RAD52: variants seen among roughly 807,000 people sequenced by gnomAD.
RAD52 encodes the protein RAD52 DNA repair protein.
A neutral mutation model predicts 55.5 loss-of-function variants in RAD52; 47 were observed. The observed-to-expected ratio is 0.85, with a 90% CI of 0.67 to 1.08. RAD52 has a LOEUF of 1.08. Among genes scored for constraint, RAD52 ranks in the 50% least tolerant of loss-of-function variants. RAD52 has a pLI of 0.00. For synonymous variants in RAD52, 184 were observed against 198.9 expected (o/e 0.92, Z 0.63); for missense variants, 468 against 522.8 (o/e 0.90, Z 1.02).
intron 1 of RAD52, among the ~76,000 whole-genome samples, chr12:935,994 C>T (rs2154116024): frequency 6.6e-6 from 1 of 151,218 alleles, no homozygotes; most frequent in South Asian, 2.1e-4. Flanking sequence ...CATGCCAGAA[C>T]ACTTCTCACA....
Position 912,992 on chromosome 12 carries a change from T to TA in RAD52, c.*398dup, listed in dbSNP as rs11571476. On this transcript the variant is annotated 3_prime_UTR_variant, in exon 12 of 12. Coordinates refer to ENST00000358495, the MANE Select transcript of RAD52 (RefSeq NM_134424.4). Reference sequence around the variant, plus strand: ...ACCGTAAAGGAAAGAAGGCAGACGTTATGCAAAACAACTGAATGTAGACAA... The same window carrying TA: ...ACCGTAAAGGAAAGAAGGCAGACGTTAATGCAAAACAACTGAATGTAGACAA... The TA allele has an allele frequency of 0.43, 96,172 of 224,158 alleles. 21,158 individuals are homozygous for TA. Among genetic ancestry groups the TA allele is most frequent in the Admixed American group, 0.51 (8,987 of 17,480 alleles). The allele number at this position is 224,158 out of a possible 1,614,324, so 13.9% of individuals were successfully genotyped here.
At chr12:969,984 T>C (rs931917101) in intron 1 of RAD52, among the ~76,000 whole-genome samples, 5 of 151,910 alleles carry the variant, frequency 3.3e-5, no homozygotes, top group African/African-American at 1.2e-4. Flanking sequence ...GTGAGACACA[T>C]TGTCTTCATA....
At position 914,058 on chromosome 12, in the gene RAD52, T is replaced by C. The variant is rs748285595; in HGVS notation, c.1031A>G (p.Lys344Arg). The change falls in exon 11 of 12, where the codon AAG becomes AGG. Residue 344 changes from lysine (K) to arginine (R), a missense_variant. Transcript: ENST00000358495. ...VTPDAGDGVVKPSSRADPAQT... is the reference protein window; with the variant it reads ...VTPDAGDGVVRPSSRADPAQT... ...GGCTGGGTCTGCTCTAGACGAGGGCTTGACCACACCATCCCCTGCATCGGG... is the reference window on the plus strand; with the variant it reads ...GGCTGGGTCTGCTCTAGACGAGGGCCTGACCACACCATCCCCTGCATCGGG... 1.9e-6 allele frequency: 3 copies of C among 1,614,214 alleles called. No homozygotes were observed. Among genetic ancestry groups the C allele is most frequent in the Non-Finnish European group, 8.5e-7 (1 of 1,180,036 alleles).
At position 911,915 on chromosome 12, in the gene RAD52, C is replaced by T. The variant is rs1464690999; in HGVS notation, c.*1476G>A. Among the ~76,000 whole-genome samples, 3 of 151,818 alleles carry T rather than the reference C, an allele frequency of 2.0e-5. No homozygotes were observed. Among genetic ancestry groups the T allele is most frequent in the African/African-American group, 4.8e-5 (2 of 41,310 alleles). Reference sequence around the variant, plus strand: ...GTGGGTGTCTGTAATCCCAGCTACTCGGGAGCCTGAGGCAGGAGAATTGCT... The same window carrying T: ...GTGGGTGTCTGTAATCCCAGCTACTTGGGAGCCTGAGGCAGGAGAATTGCT... On this transcript the variant is annotated 3_prime_UTR_variant, in exon 12 of 12. Transcript: ENST00000358495.
chr12:958,425 A>C (rs879875001), intron 1 of RAD52, among the ~76,000 whole-genome samples: 4 of 152,202 alleles, frequency 2.6e-5, no homozygotes, highest in Non-Finnish European at 1.5e-5. Flanking sequence ...CATGTTGGCC[A>C]GGCTGGTCTC....
chr12:960,381 T>G (rs552831175), intron 1 of RAD52, among the ~76,000 whole-genome samples: 1 of 152,164 alleles, frequency 6.6e-6, no homozygotes, highest in East Asian at 1.9e-4. Flanking sequence ...AATACCTGGG[T>G]TTTTCACTTG....
chr12:975,571 G>A (rs1354463850), intron 1 of RAD52: 1 of 152,216 alleles, frequency 6.6e-6, no homozygotes, highest in East Asian at 1.9e-4. Flanking sequence ...GAAGTAACCA[G>A]AAGTGGATGA....
chr12:938,617 G>A (rs1213607727), intron 1 of RAD52, among the ~76,000 whole-genome samples: 1 of 152,154 alleles, frequency 6.6e-6, no homozygotes, highest in Non-Finnish European at 1.5e-5. Flanking sequence ...CCAGCGGGTG[G>A]AGGTTGCATG....
Position 933,916 on chromosome 12 carries a change from G to GT in RAD52, c.-18-841dup, listed in dbSNP as rs540245667. Among the ~76,000 whole-genome samples the GT allele has an allele frequency of 1.7e-3, 264 of 152,086 alleles. 3 individuals are homozygous for GT. The South Asian group carries it at 0.033, about 19-fold the overall frequency. On this transcript the variant is annotated intron_variant, in intron 1 of 11. Coordinates refer to ENST00000358495, the MANE Select transcript of RAD52 (RefSeq NM_134424.4). ...GCAGAAGGACTGCTTGAGCCCAGGAGTTTGAGACTAGCCTAGACAACAAAA... is the reference window on the plus strand; with the variant it reads ...GCAGAAGGACTGCTTGAGCCCAGGAGTTTTGAGACTAGCCTAGACAACAAAA...
At chr12:987,215 C>T (rs909379652) in intron 1 of RAD52, among the ~76,000 whole-genome samples, 18 of 151,938 alleles carry the variant, frequency 1.2e-4, no homozygotes, top group African/African-American at 2.2e-4. Context: ...GTGATCCACC[C>T]GCCTCAGCCT....
At chr12:971,796 G>A (rs1057393341) in intron 1 of RAD52, among the ~76,000 whole-genome samples, 1 of 151,844 alleles carries the variant, frequency 6.6e-6, no homozygotes, top group Non-Finnish European at 1.5e-5. Flanking sequence ...CGCCCAGGCT[G>A]GAGTGCAGTG....
chr12:961,761 G>A (rs1958689504), intron 1 of RAD52, among the ~76,000 whole-genome samples: 1 of 152,140 alleles, frequency 6.6e-6, no homozygotes, highest in Non-Finnish European at 1.5e-5. Flanking sequence ...TACTCGGGAG[G>A]TTGGAGCAGT....
At chr12:981,455 T>C (rs1959013898) in intron 1 of RAD52, among the ~76,000 whole-genome samples, 1 of 152,190 alleles carries the variant, frequency 6.6e-6, no homozygotes. Flanking sequence ...CCTTTCTGAC[T>C]GTGAATGTAT....
chr12:957,466 CAAAAAAA>C (rs71055109), intron 1 of RAD52, among the ~76,000 whole-genome samples: 15 of 44,060 alleles, frequency 3.4e-4, no homozygotes, highest in South Asian at 1.0e-3. Flanking sequence ...AACTTCGTCT[CAAAAAAA>C]AAAAAAAAAA....
intron 1 of RAD52, among the ~76,000 whole-genome samples, chr12:966,547 T>C (rs1017976909): frequency 6.6e-6 from 1 of 152,022 alleles, no homozygotes; most frequent in Non-Finnish European, 1.5e-5. Flanking sequence ...CTAATGCTCA[T>C]GGTTTTCTGT....
chr12:929,739 GCTAC>G, intron 5 of RAD52, 76 bp downstream of exon 5: 2 of 1,375,396 alleles, frequency 1.5e-6, no homozygotes, highest in Non-Finnish European at 2.1e-6. Flanking sequence ...TCCCCGTCCA[GCTAC>G]CTACTTCCCT....
chr12:954,448 A>G (rs1477899020), upstream of RAD52, among the ~76,000 whole-genome samples: 2 of 152,174 alleles, frequency 1.3e-5, no homozygotes, highest in Non-Finnish European at 2.9e-5. Context: ...CCTGGCCAAC[A>G]TGACAAAACC....
chr12:932,372 G>A (rs911216592), intron 2 of RAD52, among the ~76,000 whole-genome samples: 2 of 152,136 alleles, frequency 1.3e-5, no homozygotes, highest in Admixed American at 1.3e-4. Flanking sequence ...GTGCATGCCT[G>A]TTATCCCAGC....
At chr12:933,171 T>G in intron 1 of RAD52, 95 bp from the exon 2 acceptor site, 2 of 880,008 alleles carry the variant, frequency 2.3e-6, no homozygotes, top group South Asian at 3.0e-5. Flanking sequence ...TAAAGAATCC[T>G]TATGCGGCCA....
Sources: allele counts gnomAD v4.1 joint callset (sites outside exome capture counted in the v4.1 genomes callset), GRCh38; gene constraint gnomAD v4.1.1; transcripts MANE v1.5; gene names NCBI Gene and HGNC (gene_info 2026-07-23, HGNC 2026-07-21).